The following SHISA6 variants were observed in gnomAD, a reference collection of about 807,000 sequenced individuals.
SHISA6 encodes protein shisa-6.
A neutral mutation model predicts 47.9 loss-of-function variants in SHISA6; 22 were observed. That is an observed-to-expected ratio of 0.46 (90% CI 0.33 to 0.66). The LOEUF (loss-of-function observed/expected upper bound fraction) is 0.66, where lower values mean the gene tolerates loss of function less well. Ranked by LOEUF, SHISA6 falls within the 30% of genes least tolerant of loss-of-function variation. SHISA6 has a pLI of 0.02. For missense variants in SHISA6, 680 were observed against 764.6 expected (o/e 0.89, Z 1.30); for synonymous variants, 388 against 337.8 (o/e 1.15, Z -1.63).
chr17:11,459,840 T>C (rs1915651864), intron 3 of SHISA6, among the ~76,000 whole-genome samples: 1 of 152,204 alleles, frequency 6.6e-6, no homozygotes, highest in Non-Finnish European at 1.5e-5. Flanking sequence ...TCTCTGAAAT[T>C]GCTTCCCTGA....
At chr17:11,296,610 A>G (rs1194805118) in intron 2 of SHISA6, among the ~76,000 whole-genome samples, 5 of 152,190 alleles carry the variant, frequency 3.3e-5, no homozygotes, top group Non-Finnish European at 7.4e-5. Context: ...GCTTACCTAT[A>G]GAGCCCAGGA....
At chr17:11,326,831 GT>G (rs1439361138) in intron 2 of SHISA6, among the ~76,000 whole-genome samples, 6 of 152,190 alleles carry the variant, frequency 3.9e-5, no homozygotes, top group Non-Finnish European at 7.3e-5. Context: ...CTTTCCCAGT[GT>G]CCCAGAGTAG....
At chr17:11,318,684 CTG>C (rs1472992547) in intron 2 of SHISA6, among the ~76,000 whole-genome samples, 1 of 152,236 alleles carries the variant, frequency 6.6e-6, no homozygotes, top group African/African-American at 2.4e-5. Context: ...AGAGTAGGGA[CTG>C]TGTCTGTTTT....
At chr17:11,250,894 G>A (rs1053680636) in intron 1 of SHISA6, among the ~76,000 whole-genome samples, 6 of 152,082 alleles carry the variant, frequency 3.9e-5, no homozygotes, top group African/African-American at 1.4e-4. Context: ...GGAGAGGATG[G>A]TAGAGAGATA....
chr17:11,248,007 C>G (rs924381899), intron 1 of SHISA6, among the ~76,000 whole-genome samples: 2 of 152,128 alleles, frequency 1.3e-5, no homozygotes, highest in Non-Finnish European at 1.5e-5. Flanking sequence ...ATCTCCTGAC[C>G]TCATGCTCTG....
intron 3 of SHISA6, among the ~76,000 whole-genome samples, chr17:11,461,678 G>C (rs1171791415): frequency 2.0e-5 from 3 of 152,178 alleles, no homozygotes; most frequent in Non-Finnish European, 2.9e-5. Context: ...GATAATTTCA[G>C]CAGGCTCTGG....
intron 3 of SHISA6, among the ~76,000 whole-genome samples, chr17:11,492,481 A>T (rs991706907): frequency 6.6e-6 from 1 of 152,178 alleles, no homozygotes; most frequent in Non-Finnish European, 1.5e-5. Flanking sequence ...CTATGTGTAA[A>T]TCATTTAATT....
intron 3 of SHISA6, among the ~76,000 whole-genome samples, chr17:11,432,138 A>G (rs1914796641): frequency 6.6e-6 from 1 of 152,234 alleles, no homozygotes; most frequent in Non-Finnish European, 1.5e-5. Context: ...AAGAAAGGAT[A>G]AAAGCATTGA....
At chr17:11,289,996 G>A (rs1451926053) in intron 2 of SHISA6, 1 of 152,114 alleles carries the variant, frequency 6.6e-6, no homozygotes, top group Non-Finnish European at 1.5e-5. Context: ...AATCCTAGAT[G>A]TGTTCATATG....
At chr17:11,283,472 T>C (rs1909192466) in intron 2 of SHISA6, among the ~76,000 whole-genome samples, 1 of 152,226 alleles carries the variant, frequency 6.6e-6, no homozygotes, top group African/African-American at 2.4e-5. Flanking sequence ...CAGCCACTTG[T>C]CTACTACAGA....
At chr17:11,244,061 C>T (rs1907480375) in intron 1 of SHISA6, among the ~76,000 whole-genome samples, 1 of 152,170 alleles carries the variant, frequency 6.6e-6, no homozygotes, top group Non-Finnish European at 1.5e-5. Context: ...CTCCCCTTCC[C>T]ACCACCCTGA....
In SHISA6 at chr17:11,420,086, T is replaced by A. The variant is rs369693618; in HGVS notation, c.895+40577T>A. On this transcript the variant is annotated intron_variant, in intron 3 of 5. Coordinates refer to ENST00000441885, the MANE Select transcript of SHISA6 (RefSeq NM_207386.4). ...GGGTGTGGTTGTGGGCACCTGTGAT[T>A]CCAGCTACTTGGGAGGCTGAGGCAG... Among the ~76,000 whole-genome samples, 7 of 152,188 alleles carry A rather than the reference T, an allele frequency of 4.6e-5. 1 individual carries two copies. The highest frequency in any genetic ancestry group is 3.9e-4 in the East Asian group (2 of 5,160).
chr17:11,269,713 G>A (rs1908568796), intron 2 of SHISA6, among the ~76,000 whole-genome samples: 1 of 152,152 alleles, frequency 6.6e-6, no homozygotes. Flanking sequence ...AGTCTGAGAT[G>A]ATAGCCTCAT....
chr17:11,360,334 TG>T (rs1912224592), intron 2 of SHISA6, among the ~76,000 whole-genome samples: 1 of 151,192 alleles, frequency 6.6e-6, no homozygotes, highest in South Asian at 2.1e-4. Context: ...CTGAGGCGGG[TG>T]GATCATGAGG....
chr17:11,492,740 C>T (rs1210443837), intron 3 of SHISA6, among the ~76,000 whole-genome samples: 2 of 152,146 alleles, frequency 1.3e-5, no homozygotes, highest in East Asian at 3.9e-4. Context: ...AAGCCCAGTG[C>T]CCTGCATGCA....
chr17:11,474,341 G>C lies in SHISA6; in HGVS notation c.896-77555G>C, dbSNP rs181168242. On this transcript the variant is annotated intron_variant, in intron 3 of 5. Coordinates refer to ENST00000441885, the MANE Select transcript of SHISA6 (RefSeq NM_207386.4). ...ATGATGAGCTTTTTTTTTCATGTTT[G>C]TTGGCCACATAAATGTCTTCTTTTG... 3.4e-3 allele frequency among the ~76,000 whole-genome samples: 497 copies of C among 148,250 alleles called. 5 individuals are homozygous for C. The highest frequency in any genetic ancestry group is 0.012 in the African/African-American group (482 of 40,480).
chr17:11,498,308 A>G (rs901318764), intron 3 of SHISA6, among the ~76,000 whole-genome samples: 3 of 152,206 alleles, frequency 2.0e-5, no homozygotes, highest in Non-Finnish European at 4.4e-5. Flanking sequence ...GGACACATCC[A>G]TATCCTACTG....
chr17:11,252,738 T>C (rs1907862702), intron 1 of SHISA6, among the ~76,000 whole-genome samples: 1 of 152,196 alleles, frequency 6.6e-6, no homozygotes. Flanking sequence ...CGGCTTTGAC[T>C]GAAGGTGAGA....
At chr17:11,456,263 T>C (rs1915530392) in intron 3 of SHISA6, among the ~76,000 whole-genome samples, 1 of 152,174 alleles carries the variant, frequency 6.6e-6, no homozygotes, top group Non-Finnish European at 1.5e-5. Context: ...TGGATGGTCA[T>C]ACCGGTTGTG....
Sources: allele counts gnomAD v4.1 joint callset (sites outside exome capture counted in the v4.1 genomes callset), GRCh38; gene constraint gnomAD v4.1.1; transcripts MANE v1.5; gene names NCBI Gene and HGNC (gene_info 2026-07-23, HGNC 2026-07-21).